The following SH3BP2 variants were observed in gnomAD, a reference collection of about 807,000 sequenced individuals.
SH3BP2 encodes SH3 domain binding protein 2, also known as SH3 domain-binding protein 2.
Under a neutral mutation model 56.2 loss-of-function variants are expected in SH3BP2, and 38 were observed. That is an observed-to-expected ratio of 0.68 (90% CI 0.52 to 0.89). The LOEUF (loss-of-function observed/expected upper bound fraction) is 0.89. Ranked by LOEUF, SH3BP2 falls within the 40% of genes least tolerant of loss-of-function variation. The pLI is 0.00. For synonymous variants in SH3BP2, 346 were observed against 316.7 expected (o/e 1.09, Z -0.98); for missense variants, 748 against 762.6 (o/e 0.98, Z 0.23).
Position 2,831,905 on chromosome 4 carries a change from A to G in SH3BP2, c.1351-18A>G, listed in dbSNP as rs751496224. 16 of 1,611,966 alleles carry G rather than the reference A, an allele frequency of 9.9e-6. No individual in the cohort carries two copies. The South Asian group carries it at 1.8e-4, about 18-fold the overall frequency. The stretch of plus-strand genomic sequence containing the variant: ...GGATCACTCCGACGTTGGCACTGAC[A>G]CCGTCAGCCTCTTGCAGGTGCCACT... On this transcript the variant is annotated intron_variant, in intron 9 of 12. Coordinates refer to ENST00000503393, the MANE Select transcript of SH3BP2 (RefSeq NM_001122681.2). This position sits in a 1 kb window ranked among gnomAD's most constrained non-coding sequence, Gnocchi z 4.1.
intron 1 of SH3BP2, among the ~76,000 whole-genome samples, chr4:2,801,784 T>C (rs1228681984): frequency 6.6e-6 from 1 of 151,952 alleles, no homozygotes; most frequent in Non-Finnish European, 1.5e-5. Context: ...ACGAACAACA[T>C]CCGGGAAAAA....
At position 2,826,592 on chromosome 4, in the gene SH3BP2, CTG is replaced by C. The variant is rs546845140; in HGVS notation, c.429-632_429-631del. 1.2e-3 allele frequency: 286 copies of C among 246,758 alleles called. 6 individuals carry two copies. The highest frequency in any genetic ancestry group is 8.2e-3 in the African/African-American group (243 of 29,596). 15.3% of individuals were successfully genotyped at this position (246,758 alleles called of 1,614,324 possible). A position where few individuals can be genotyped will look rare whatever the true frequency, so the allele number is the denominator to read the frequency against. On this transcript the variant is annotated intron_variant, in intron 5 of 12. Coordinates refer to ENST00000503393, the MANE Select transcript of SH3BP2 (RefSeq NM_001122681.2). ...TGTTGCTCTGTGTGTGTGTGCATGT[CTG>C]TGTGTTGCTCTGTGTTTGTGTGTGC...
chr4:2,803,286 C>T (rs913997305), intron 1 of SH3BP2, among the ~76,000 whole-genome samples: 5 of 152,224 alleles, frequency 3.3e-5, no homozygotes, highest in Non-Finnish European at 7.3e-5. Context: ...GACTGGCGCC[C>T]CTACTGCATG....
intron 1 of SH3BP2, chr4:2,817,910 C>T (rs1012340520): frequency 1.3e-5 from 2 of 152,084 alleles, no homozygotes; most frequent in Non-Finnish European, 2.9e-5. Flanking sequence ...CCGAGGCTCC[C>T]GCGCCGGCCG....
intron 1 of SH3BP2, among the ~76,000 whole-genome samples, chr4:2,811,459 C>A (rs1723746860): frequency 6.6e-6 from 1 of 152,174 alleles, no homozygotes; most frequent in African/African-American, 2.4e-5. Flanking sequence ...CCTCCCTGGG[C>A]AAGTTCTGGG....
At chr4:2,809,837 C>T in intron 1 of SH3BP2, 4 of 985,018 alleles carry the variant, frequency 4.1e-6, no homozygotes, top group South Asian at 4.7e-5. Context: ...CTGGTAAGTG[C>T]CCTGTGTCTG....
chr4:2,804,104 A>G (rs911620372), intron 1 of SH3BP2, among the ~76,000 whole-genome samples: 1 of 151,790 alleles, frequency 6.6e-6, no homozygotes, highest in Non-Finnish European at 1.5e-5. Flanking sequence ...GCTACCTTCC[A>G]CCATTCCCTG....
At position 2,827,645 on chromosome 4, in the gene SH3BP2, C is replaced by T. The variant is rs1422141265; in HGVS notation, c.557C>T (p.Pro186Leu). ...GATGAGGATGACTCCTACCTGGAGC[C>T]TGACTCCCCGGAGCCCGGAAGGCTT... ...HDDEDDSYLE[P>L]DSPEPGRLED... is the part of the protein sequence containing the mutation. Residue 186 changes from proline (P) to leucine (L), a missense_variant, in exon 7 of 13, where the codon CCT becomes CTT. Around this residue, in one of 3 missense-constraint regions of SH3BP2, gnomAD observed 635 missense variants for 615.0 expected, o/e 1.03. Transcript: ENST00000503393. The T allele has an allele frequency of 6.3e-7, 1 of 1,595,134 alleles. No individual in the cohort carries two copies. The highest frequency in any genetic ancestry group is 8.5e-7 in the Non-Finnish European group (1 of 1,170,508).
At chr4:2,806,563 C>T (rs1431532227) in intron 1 of SH3BP2, among the ~76,000 whole-genome samples, 2 of 152,172 alleles carry the variant, frequency 1.3e-5, no homozygotes, top group African/African-American at 4.8e-5. Flanking sequence ...GTGGCTTCCC[C>T]CAGACCCACC....
chr4:2,799,556 A>G (rs551159830), intron 1 of SH3BP2, among the ~76,000 whole-genome samples: 4 of 151,914 alleles, frequency 2.6e-5, no homozygotes, highest in African/African-American at 9.7e-5. Context: ...AGGACCCCCA[A>G]CCCCCACCTC....
intron 1 of SH3BP2, chr4:2,799,379 G>C: frequency 1.2e-6 from 1 of 847,796 alleles, no homozygotes; most frequent in Non-Finnish European, 1.4e-6. Flanking sequence ...CCATCCTGGG[G>C]TCCTGGGTGC....
At chr4:2,803,937 C>G (rs905198219) in intron 1 of SH3BP2, among the ~76,000 whole-genome samples, 4 of 152,154 alleles carry the variant, frequency 2.6e-5, no homozygotes, top group African/African-American at 9.7e-5. Flanking sequence ...ATCCCGGGTG[C>G]AGGGTGTGGC....
Position 2,839,929 on chromosome 4 carries a change from A to T in SH3BP2, c.*6095A>T, listed in dbSNP as rs569824907. The T allele has an allele frequency of 6.6e-6, 1 of 152,162 alleles. No homozygotes were observed. The highest frequency in any genetic ancestry group is 1.9e-4 in the East Asian group (1 of 5,178). The allele number at this position is 152,162 out of a possible 1,614,324, so 9.4% of individuals were successfully genotyped here. A position where few individuals can be genotyped will look rare whatever the true frequency, so the allele number is the denominator to read the frequency against. ...TTTTGGTTAGTGCTTTTTGTGGCTT[A>T]AGAAATTCTTTCCAGGCTGGGTACA... On this transcript the variant is annotated 3_prime_UTR_variant, in exon 13 of 13. Coordinates refer to ENST00000503393, the MANE Select transcript of SH3BP2 (RefSeq NM_001122681.2).
chr4:2,826,683 C>T, intron 5 of SH3BP2: 1 of 330,992 alleles, frequency 3.0e-6, no homozygotes, highest in South Asian at 2.2e-5. Context: ...TGTGCATGTC[C>T]TCATGTTGCT....
chr4:2,818,528 A>G, intron 1 of SH3BP2: 1 of 519,566 alleles, frequency 1.9e-6, no homozygotes. Flanking sequence ...TTGGGGGAAC[A>G]AAGGCGGGCG....
intron 2 of SH3BP2, 104 bp downstream of exon 2, chr4:2,820,857 C>T: frequency 7.6e-7 from 1 of 1,315,584 alleles, no homozygotes; most frequent in Non-Finnish European, 1.0e-6. Flanking sequence ...ACATGGTGTG[C>T]CCTCTGGATT....
intron 8 of SH3BP2, 70 bp downstream of exon 8, chr4:2,830,217 C>T: frequency 7.2e-7 from 1 of 1,391,780 alleles, no homozygotes; most frequent in Admixed American, 2.2e-5. Flanking sequence ...CTGACGGGCA[C>T]TCTGCCCACC....
In SH3BP2 at chr4:2,810,202, C is replaced by T. The variant is rs550982739; in HGVS notation, c.-4-10412C>T. On this transcript the variant is annotated intron_variant, in intron 1 of 12. Coordinates refer to ENST00000503393, the MANE Select transcript of SH3BP2 (RefSeq NM_001122681.2). This position sits in a 1 kb window ranked among gnomAD's most constrained non-coding sequence, Gnocchi z 4.2. ...GCAGAGGTCACCCAGCAGCCCAGGACTCCCAGCTCCAGCTTCCCTCTGGGA... is the reference window on the plus strand; with the variant it reads ...GCAGAGGTCACCCAGCAGCCCAGGATTCCCAGCTCCAGCTTCCCTCTGGGA... Among the ~76,000 whole-genome samples the T allele has an allele frequency of 6.6e-6, 1 of 152,196 alleles. No homozygotes were observed. The highest frequency in any genetic ancestry group is 1.9e-4 in the East Asian group (1 of 5,140).
intron 1 of SH3BP2, among the ~76,000 whole-genome samples, chr4:2,819,577 T>C (rs1724189972): frequency 2.6e-5 from 4 of 151,974 alleles, no homozygotes; most frequent in African/African-American, 7.3e-5. Context: ...CCCATCCAAC[T>C]CCACTGGGGC....
Sources: allele counts gnomAD v4.1 joint callset (sites outside exome capture counted in the v4.1 genomes callset), GRCh38; gene constraint gnomAD v4.1.1; regional missense constraint gnomAD v4.1.1; non-coding constraint Gnocchi (gnomAD v3.1); transcripts MANE v1.5; gene names NCBI Gene and HGNC (gene_info 2026-07-23, HGNC 2026-07-21).